Variants in CYP19A1 observed in about 807,000 individuals in gnomAD.
The protein encoded by CYP19A1 is aromatase.
Under a neutral mutation model 44.4 loss-of-function variants are expected in CYP19A1, and 32 were observed. That is an observed-to-expected ratio of 0.72 (90% CI 0.54 to 0.97). The LOEUF is 0.97. CYP19A1 is among the 50% of genes least tolerant of loss of function. The probability of loss-of-function intolerance (pLI) is 0.00; values close to 1 mark genes in which losing one functional copy is unlikely to be tolerated. For synonymous variants in CYP19A1, 212 were observed against 215.6 expected (o/e 0.98, Z 0.14); for missense variants, 598 against 637.8 (o/e 0.94, Z 0.67).
chr15:51,293,478 G>A (rs1315993562), intron 1 of CYP19A1: 1 of 152,168 alleles, frequency 6.6e-6, no homozygotes, highest in East Asian at 1.9e-4. Context: ...AGACACTGTT[G>A]CCATTTGCCA....
chr15:51,274,704 T>C (rs534114650), intron 1 of CYP19A1, among the ~76,000 whole-genome samples: 4 of 152,306 alleles, frequency 2.6e-5, no homozygotes, highest in African/African-American at 9.6e-5. Context: ...GAAATAGAGA[T>C]GCACAGAGTG....
At chr15:51,238,195 G>A (rs914552610) in intron 2 of CYP19A1, among the ~76,000 whole-genome samples, 4 of 152,112 alleles carry the variant, frequency 2.6e-5, no homozygotes, top group African/African-American at 9.7e-5. Flanking sequence ...ATGGTCTAAG[G>A]TTATTAATCT....
At chr15:51,227,979 A>C (rs1819746511) in intron 3 of CYP19A1, 46 bp from the exon 4 acceptor site, 1 of 1,050,950 alleles carries the variant, frequency 9.5e-7, no homozygotes, top group African/African-American at 1.6e-5. Flanking sequence ...GGGTCAGGAG[A>C]ACTCCTGGTG....
intron 1 of CYP19A1, among the ~76,000 whole-genome samples, chr15:51,283,599 C>T (rs988994152): frequency 1.3e-5 from 2 of 152,200 alleles, no homozygotes; most frequent in Non-Finnish European, 2.9e-5. Context: ...ATTTCTCAGG[C>T]TCTTGTTCCA....
intron 1 of CYP19A1, among the ~76,000 whole-genome samples, chr15:51,260,436 C>T (rs1326894851): frequency 1.3e-5 from 2 of 152,194 alleles, no homozygotes; most frequent in East Asian, 1.9e-4. Flanking sequence ...AGCAGGCCCA[C>T]ACAGATAGCT....
intron 8 of CYP19A1, among the ~76,000 whole-genome samples, chr15:51,214,091 G>A (rs1306291215): frequency 1.3e-5 from 2 of 152,154 alleles, no homozygotes; most frequent in Admixed American, 1.3e-4. Context: ...GCACTCCAAT[G>A]GTTTGAAAAA....
At chr15:51,269,060 C>T (rs1372243976) in intron 1 of CYP19A1, among the ~76,000 whole-genome samples, 1 of 152,024 alleles carries the variant, frequency 6.6e-6, no homozygotes, top group Non-Finnish European at 1.5e-5. Flanking sequence ...TGTCAAGTGT[C>T]TTTATGGCTC....
At chr15:51,271,462 C>T (rs182864610) in intron 1 of CYP19A1, among the ~76,000 whole-genome samples, 1 of 152,330 alleles carries the variant, frequency 6.6e-6, no homozygotes, top group East Asian at 1.9e-4. Flanking sequence ...TGAGACCCAA[C>T]GTGTCTTGAT....
At chr15:51,306,400 T>A (rs1348764643) in intron 1 of CYP19A1, among the ~76,000 whole-genome samples, 1 of 152,224 alleles carries the variant, frequency 6.6e-6, no homozygotes, top group Non-Finnish European at 1.5e-5. Context: ...TTTTGTTTTT[T>A]TGTTTTTTGT....
chr15:51,295,459 T>C (rs1293843355), intron 1 of CYP19A1, among the ~76,000 whole-genome samples: 1 of 152,088 alleles, frequency 6.6e-6, no homozygotes, highest in Non-Finnish European at 1.5e-5. Context: ...AACTGGAACA[T>C]CAATTTTCCC....
chr15:51,231,737 C>G (rs2033053022), intron 3 of CYP19A1, among the ~76,000 whole-genome samples: 1 of 151,854 alleles, frequency 6.6e-6, no homozygotes, highest in African/African-American at 2.4e-5. Flanking sequence ...ATGTCCCCAG[C>G]CCATTCACTC....
intron 1 of CYP19A1, among the ~76,000 whole-genome samples, chr15:51,296,790 T>G (rs572402777): frequency 6.6e-6 from 1 of 152,228 alleles, no homozygotes; most frequent in Non-Finnish European, 1.5e-5. Flanking sequence ...CATTTATTTT[T>G]CATATTCCTG....
intron 1 of CYP19A1, among the ~76,000 whole-genome samples, chr15:51,309,216 C>T (rs2036267375): frequency 6.6e-6 from 1 of 152,148 alleles, no homozygotes. Flanking sequence ...GGCTTTTTAG[C>T]TCTCTTTCTG....
intron 3 of CYP19A1, among the ~76,000 whole-genome samples, chr15:51,235,143 T>C (rs2033306955): frequency 6.6e-6 from 1 of 152,212 alleles, no homozygotes; most frequent in Non-Finnish European, 1.5e-5. Flanking sequence ...CAAGTACTGA[T>C]TTTTAAAATG....
chr15:51,285,895 G>A (rs563943699), intron 1 of CYP19A1, among the ~76,000 whole-genome samples: 54 of 152,122 alleles, frequency 3.5e-4, no homozygotes, highest in Non-Finnish European at 7.2e-4. Flanking sequence ...TCACCACCAA[G>A]GCCTGGTGTT....
At chr15:51,304,890 C>CATTTTTTTTTTTTT (rs1555398466) in intron 1 of CYP19A1, among the ~76,000 whole-genome samples, 1 of 104,572 alleles carries the variant, frequency 9.6e-6, no homozygotes, top group Admixed American at 9.7e-5. Context: ...GTGTCTCTTC[C>CATTTTTTTTTTTTT]TTTTTTTTTT....
chr15:51,246,106 T>G (rs961567045), intron 1 of CYP19A1, among the ~76,000 whole-genome samples: 1 of 152,236 alleles, frequency 6.6e-6, no homozygotes, highest in African/African-American at 2.4e-5. Flanking sequence ...CTCTCCTGAA[T>G]GCACATTGGT....
chr15:51,274,003 TCACACACACACA>T (rs34082137), intron 1 of CYP19A1, among the ~76,000 whole-genome samples: 1 of 149,882 alleles, frequency 6.7e-6, no homozygotes, highest in African/African-American at 2.5e-5. Flanking sequence ...TGAAATTTTG[TCACACACACACA>T]CACACACACA....
At chr15:51,227,994 A>AT in intron 3 of CYP19A1, 61 bp from the exon 4 acceptor site, 1 of 886,554 alleles carries the variant, frequency 1.1e-6, no homozygotes, top group South Asian at 1.3e-5. Flanking sequence ...CTGGTGGTAC[A>AT]TTTTGACTAG....
Sources: allele counts gnomAD v4.1 joint callset (sites outside exome capture counted in the v4.1 genomes callset), GRCh38; gene constraint gnomAD v4.1.1; transcripts MANE v1.5; gene names NCBI Gene and HGNC (gene_info 2026-07-23, HGNC 2026-07-21).